Variants in HTR2C observed in about 807,000 individuals in gnomAD.
The protein encoded by HTR2C is 5-hydroxytryptamine (serotonin) receptor 2C, G protein-coupled.
Under a neutral mutation model 21.0 loss-of-function variants are expected in HTR2C, and 5 were observed. The observed-to-expected ratio is 0.24, with a 90% CI of 0.12 to 0.50. HTR2C has a LOEUF of 0.50. HTR2C is among the 20% of genes least tolerant of loss of function. The probability of loss-of-function intolerance (pLI) is 0.98; values close to 1 mark genes in which losing one functional copy is unlikely to be tolerated. For missense variants in HTR2C, 271 were observed against 371.2 expected, an observed-to-expected ratio of 0.73 and a Z score of 2.22; for synonymous variants, 150 against 145.3, an observed-to-expected ratio of 1.03 and a Z score of -0.23.
chrX:114,612,946 T>A (rs1337112789), intron 1 of HTR2C, among the ~76,000 whole-genome samples: 1 of 101,326 alleles, frequency 9.9e-6, no homozygotes, highest in African/African-American at 4.1e-5. Flanking sequence ...TTTTATTTTA[T>A]TTTTTTTTTG....
chrX:114,725,092 A>G (rs1336053179), intron 2 of HTR2C, among the ~76,000 whole-genome samples: 1 of 110,541 alleles, frequency 9.0e-6, no homozygotes, highest in Non-Finnish European at 1.9e-5. Flanking sequence ...GTTCTCCTGG[A>G]TAATATCCTG....
intron 2 of HTR2C, among the ~76,000 whole-genome samples, chrX:114,659,049 G>A (rs782658155): frequency 4.9e-4 from 54 of 111,329 alleles, no homozygotes; most frequent in African/African-American, 1.8e-3. Context: ...AATCATGGTG[G>A]AAAGGGAAGC....
At chrX:114,744,274 T>A (rs1164464965) in intron 4 of HTR2C, among the ~76,000 whole-genome samples, 6 of 108,694 alleles carry the variant, frequency 5.5e-5, no homozygotes, top group Non-Finnish European at 1.1e-4. Context: ...AATTACTTAT[T>A]TTAGAAAGTA....
intron 2 of HTR2C, among the ~76,000 whole-genome samples, chrX:114,634,990 A>G: frequency 8.9e-6 from 1 of 112,225 alleles, no homozygotes; most frequent in South Asian, 3.7e-4. Flanking sequence ...CAAATCAACA[A>G]CTATTAGGGT....
intron 2 of HTR2C, among the ~76,000 whole-genome samples, chrX:114,658,699 G>T (rs782358623): frequency 2.7e-5 from 3 of 110,918 alleles, no homozygotes; most frequent in East Asian, 5.6e-4. Flanking sequence ...GCAGATAAAG[G>T]GGGGAGAGGA....
chrX:114,764,174 A>G (rs1229437154), intron 4 of HTR2C, among the ~76,000 whole-genome samples: 3 of 110,913 alleles, frequency 2.7e-5, no homozygotes, highest in Non-Finnish European at 5.7e-5. Context: ...CGAGGCGGGC[A>G]GATCACCTGA....
intron 3 of HTR2C, among the ~76,000 whole-genome samples, chrX:114,727,475 A>G (rs1449337046): frequency 1.8e-5 from 2 of 112,050 alleles, no homozygotes; most frequent in East Asian, 5.6e-4. Context: ...AGCCAATAAT[A>G]TACAACATAA....
At chrX:114,779,896 T>C (rs2070099287) in intron 4 of HTR2C, among the ~76,000 whole-genome samples, 1 of 39,004 alleles carries the variant, frequency 2.6e-5, no homozygotes, top group African/African-American at 5.3e-5. Context: ...TGGATGTATA[T>C]GTATATGTGT....
intron 5 of HTR2C, among the ~76,000 whole-genome samples, chrX:114,874,578 G>A (rs2071117977): frequency 9.1e-6 from 1 of 109,482 alleles, no homozygotes; most frequent in Non-Finnish European, 1.9e-5. Context: ...GCACGATCTC[G>A]GCTCACTGCA....
intron 4 of HTR2C, among the ~76,000 whole-genome samples, chrX:114,784,995 T>C (rs1411627601): frequency 9.0e-6 from 1 of 111,574 alleles, no homozygotes; most frequent in Non-Finnish European, 1.9e-5. Context: ...CTTAAGTAAT[T>C]ATATCTGCAA....
At chrX:114,619,006 A>G (rs1929054115) in intron 2 of HTR2C, among the ~76,000 whole-genome samples, 1 of 111,807 alleles carries the variant, frequency 8.9e-6, no homozygotes. Flanking sequence ...AGATGTATAC[A>G]TAAATTAATC....
chrX:114,607,094 C>T (rs908423283), intron 1 of HTR2C, among the ~76,000 whole-genome samples: 6 of 109,916 alleles, frequency 5.5e-5, no homozygotes, highest in South Asian at 3.9e-4. Context: ...CGGCCATTTA[C>T]ACTTCTTTTG....
At chrX:114,719,025 TA>T (rs1462154888) in intron 2 of HTR2C, among the ~76,000 whole-genome samples, 3 of 102,911 alleles carry the variant, frequency 2.9e-5, no homozygotes, top group African/African-American at 6.9e-5. Flanking sequence ...AATAAATAAA[TA>T]AAATAATATA....
intron 1 of HTR2C, among the ~76,000 whole-genome samples, chrX:114,597,218 C>CAAA (rs782280036): frequency 2.3e-3 from 100 of 44,133 alleles, no homozygotes; most frequent in African/African-American, 8.5e-3. Flanking sequence ...ATTTCATCTC[C>CAAA]AAAAAAAAAA....
At chrX:114,588,074 G>A (rs1477167523) in intron 1 of HTR2C, among the ~76,000 whole-genome samples, 2 of 112,384 alleles carry the variant, frequency 1.8e-5, no homozygotes, top group Admixed American at 9.4e-5. Context: ...CTTCTCAGCT[G>A]TGGCTAAGAC....
intron 4 of HTR2C, among the ~76,000 whole-genome samples, chrX:114,757,074 T>C (rs1487714508): frequency 9.0e-6 from 1 of 111,002 alleles, no homozygotes; most frequent in Admixed American, 9.7e-5. Flanking sequence ...TACATATATG[T>C]GTAATATATT....
In HTR2C at chrX:114,689,519, A is replaced by T. The variant is rs782180239; in HGVS notation, c.-79-37339A>T. 2.5e-4 allele frequency among the ~76,000 whole-genome samples: 26 copies of T among 105,031 alleles called. No individual in the cohort carries two copies. The South Asian group carries it at 0.01, about 42-fold the overall frequency. 91.2% of individuals were successfully genotyped at this position (105,031 alleles called of 115,157 possible). A position where few individuals can be genotyped will look rare whatever the true frequency, so the allele number is the denominator to read the frequency against. On this transcript the variant is annotated intron_variant, in intron 2 of 5. Coordinates refer to ENST00000276198, the MANE Select transcript of HTR2C (RefSeq NM_000868.4). The stretch of plus-strand genomic sequence containing the variant: ...TTTCACCACATCCACACCAACATCT[A>T]TTTTTTTTTTATGTTTTAACTCTGA...
At chrX:114,685,472 A>G (rs1931883259) in intron 2 of HTR2C, among the ~76,000 whole-genome samples, 1 of 112,126 alleles carries the variant, frequency 8.9e-6, no homozygotes, top group South Asian at 3.7e-4. Flanking sequence ...CTAACTTCCT[A>G]CTGGAACTGG....
At chrX:114,776,613 C>A (rs782813829) in intron 4 of HTR2C, 1 of 515,288 alleles carries the variant, frequency 1.9e-6, no homozygotes. Flanking sequence ...TGATTCTTTG[C>A]GGCATCACCA....
Sources: allele counts gnomAD v4.1 joint callset (sites outside exome capture counted in the v4.1 genomes callset), GRCh38; gene constraint gnomAD v4.1.1; transcripts MANE v1.5; gene names NCBI Gene and HGNC (gene_info 2026-07-23, HGNC 2026-07-21).